Variants in ADORA2B observed in about 807,000 individuals in gnomAD.
ADORA2B encodes the protein adenosine receptor A2b.
Under a neutral mutation model 20.8 loss-of-function variants are expected in ADORA2B, and 18 were observed. The observed-to-expected ratio is 0.87, with a 90% CI of 0.60 to 1.29. The LOEUF is 1.29. Ranked by LOEUF, ADORA2B falls within the 50% of genes most tolerant of loss-of-function variation. The pLI, the probability that ADORA2B is intolerant of heterozygous loss-of-function variation, is 0.00. For synonymous variants in ADORA2B, 179 were observed against 178.3 expected, an observed-to-expected ratio of 1.00 and a Z score of -0.03; for missense variants, 441 against 422.7, an observed-to-expected ratio of 1.04 and a Z score of -0.38.
chr17:15,889,438 A>G, the ADORA2B span, among the ~76,000 whole-genome samples: 8 of 130,096 alleles, frequency 6.1e-5, 3 homozygotes, highest in African/African-American at 2.6e-4. Context: ...TTAGGTTGAC[A>G]TGTATCAAAT....
At chr17:15,928,913 G>A in the ADORA2B span, among the ~76,000 whole-genome samples, 1,392 of 152,260 alleles carry the variant, frequency 9.1e-3, 29 homozygotes, top group African/African-American at 0.032. Context: ...GGGTGATGTA[G>A]TCCCTAAGCA....
chr17:15,931,225 G>A, the ADORA2B span, among the ~76,000 whole-genome samples: 1 of 152,190 alleles, frequency 6.6e-6, no homozygotes, highest in African/African-American at 2.4e-5. Context: ...TAATGTCTAT[G>A]TTATTCCACC....
intron 1 of ADORA2B, among the ~76,000 whole-genome samples, chr17:15,956,590 C>CTTTTT (rs11290214): frequency 1.8e-4 from 9 of 51,422 alleles, no homozygotes; most frequent in Admixed American, 5.1e-4. Context: ...TTATGTGTGT[C>CTTTTT]TTTTTTTTTT....
At chr17:15,868,385 CTT>C in the ADORA2B span, among the ~76,000 whole-genome samples, 1 of 138,804 alleles carries the variant, frequency 7.2e-6, no homozygotes, top group Non-Finnish European at 1.6e-5. Context: ...AAAAAAATGT[CTT>C]CTTTTGATGA....
the ADORA2B span, among the ~76,000 whole-genome samples, chr17:15,902,698 A>G: frequency 6.6e-6 from 1 of 152,150 alleles, no homozygotes; most frequent in Non-Finnish European, 1.5e-5. Flanking sequence ...AATCCATCCC[A>G]TGGCTGTCCA....
intron 1 of ADORA2B, among the ~76,000 whole-genome samples, chr17:15,971,629 AT>A (rs34445090): frequency 0.057 from 7,247 of 127,810 alleles, 268 homozygotes; most frequent in African/African-American, 0.17. Context: ...TGTAATGGCC[AT>A]TTTTTTTTTT....
chr17:15,867,193 T>C, the ADORA2B span, among the ~76,000 whole-genome samples: 521 of 151,980 alleles, frequency 3.4e-3, 2 homozygotes, highest in African/African-American at 0.012. Context: ...TTGCAGCCTC[T>C]GCCCGGCCGC....
chr17:15,876,351 G>T, the ADORA2B span, among the ~76,000 whole-genome samples: 1 of 151,118 alleles, frequency 6.6e-6, no homozygotes, highest in Non-Finnish European at 1.5e-5. Context: ...CTCATAGGAG[G>T]TTCAGGCTGT....
the ADORA2B span, among the ~76,000 whole-genome samples, chr17:15,877,577 TG>T: frequency 6.6e-6 from 1 of 152,074 alleles, no homozygotes; most frequent in Admixed American, 6.5e-5. Flanking sequence ...AGAAGAGGCC[TG>T]GGGGTGGAGA....
At chr17:15,974,401 C>T (rs572857338) in intron 1 of ADORA2B, 2 of 353,372 alleles carry the variant, frequency 5.7e-6, no homozygotes, top group South Asian at 7.5e-5. Flanking sequence ...ACTTACAGTA[C>T]TCCCTTAAGG....
At chr17:15,968,308 G>A (rs1970145870) in intron 1 of ADORA2B, among the ~76,000 whole-genome samples, 1 of 152,158 alleles carries the variant, frequency 6.6e-6, no homozygotes, top group Non-Finnish European at 1.5e-5. Context: ...TATACGGAGG[G>A]CTGCTGACTG....
intron 1 of ADORA2B, among the ~76,000 whole-genome samples, chr17:15,949,352 A>T (rs1969863193): frequency 6.6e-6 from 1 of 151,214 alleles, no homozygotes; most frequent in Admixed American, 6.6e-5. Flanking sequence ...GTCTCTACTA[A>T]AAATACAAAA....
chr17:15,919,009 G>T, the ADORA2B span, among the ~76,000 whole-genome samples: 1 of 152,124 alleles, frequency 6.6e-6, no homozygotes, highest in East Asian at 1.9e-4. Context: ...CCGGTTTATG[G>T]CTCTTCTCAG....
the ADORA2B span, among the ~76,000 whole-genome samples, chr17:15,928,001 T>C: frequency 6.6e-6 from 1 of 151,894 alleles, no homozygotes; most frequent in Non-Finnish European, 1.5e-5. Context: ...TTTGTATTTT[T>C]AGTAGAGATG....
rs111653457 is a variant in ADORA2B, at chr17:15,960,751, C to G, written c.336-13928C>G. ...ATTAGCCGGGCATGGTGGTGGGTGC[C>G]TGTAGTCCCAGCTACTCGGGAGGCT... On this transcript the variant is annotated intron_variant, in intron 1 of 1. Transcript: ENST00000304222. Among the ~76,000 whole-genome samples, 942 of 151,016 alleles carry G rather than the reference C, an allele frequency of 6.2e-3. 8 individuals are homozygous for G. The highest frequency in any genetic ancestry group is 0.022 in the African/African-American group (901 of 40,902).
At chr17:15,879,193 A>G in the ADORA2B span, among the ~76,000 whole-genome samples, 275 of 152,308 alleles carry the variant, frequency 1.8e-3, 2 homozygotes, top group African/African-American at 6.3e-3. Context: ...GCTCACACCT[A>G]TAATCTCAGG....
the ADORA2B span, among the ~76,000 whole-genome samples, chr17:15,894,025 C>T: frequency 6.6e-6 from 1 of 152,192 alleles, no homozygotes; most frequent in African/African-American, 2.4e-5. Flanking sequence ...AGATTTGGCC[C>T]ATGGGCAGCA....
chr17:15,909,564 A>C, the ADORA2B span, among the ~76,000 whole-genome samples: 1 of 133,408 alleles, frequency 7.5e-6, no homozygotes, highest in Non-Finnish European at 1.6e-5. Flanking sequence ...TAAGGAACTC[A>C]CGGTCCTCGT....
chr17:15,851,485 T>G, the ADORA2B span, among the ~76,000 whole-genome samples: 1 of 151,908 alleles, frequency 6.6e-6, no homozygotes, highest in African/African-American at 2.4e-5. Context: ...TGCCTCATAC[T>G]GCCCAGAAGA....
Sources: allele counts gnomAD v4.1 joint callset (sites outside exome capture counted in the v4.1 genomes callset), GRCh38; gene constraint gnomAD v4.1.1; transcripts MANE v1.5; gene names NCBI Gene and HGNC (gene_info 2026-07-23, HGNC 2026-07-21).